MYO7B: variants seen among roughly 807,000 people sequenced by gnomAD.
MYO7B encodes the protein myosin VIIB.
A neutral mutation model predicts 259.7 loss-of-function variants in MYO7B; 212 were observed. The ratio of observed to expected loss-of-function variants is 0.82; its 90% CI spans 0.73 to 0.91. The LOEUF is 0.91. Ranked by LOEUF, MYO7B falls within the 40% of genes least tolerant of loss-of-function variation. The pLI, the probability that MYO7B is intolerant of heterozygous loss-of-function variation, is 0.00. For synonymous variants in MYO7B, 1,197 were observed against 1,166.4 expected (o/e 1.03, Z -0.54); for missense variants, 2,732 against 2,813.5 (o/e 0.97, Z 0.66).
intron 2 of MYO7B, among the ~76,000 whole-genome samples, chr2:127,560,611 G>A (rs1229889250): frequency 2.0e-5 from 3 of 152,184 alleles, no homozygotes; most frequent in Non-Finnish European, 2.9e-5. Context: ...GAAGCCTGGC[G>A]GCGGGGAGTG....
At chr2:127,594,447 G>A (rs1415021212) in intron 18 of MYO7B, among the ~76,000 whole-genome samples, 1 of 152,202 alleles carries the variant, frequency 6.6e-6, no homozygotes, top group Non-Finnish European at 1.5e-5. Flanking sequence ...GGGACGTCCT[G>A]GCCCCAGCCC....
chr2:127,631,402 C>T (rs1681500392), intron 37 of MYO7B, 39 bp downstream of exon 37: 1 of 1,583,918 alleles, frequency 6.3e-7, no homozygotes, highest in African/African-American at 1.3e-5. Flanking sequence ...CTCGTCAATG[C>T]CAGGGCAGAG....
At chr2:127,634,111 G>T in intron 40 of MYO7B, 65 bp from the exon 41 acceptor site, 1 of 1,303,320 alleles carries the variant, frequency 7.7e-7, no homozygotes, top group East Asian at 2.5e-5. Context: ...GGCTAGGAAG[G>T]CTCATCCTGG....
intron 6 of MYO7B, among the ~76,000 whole-genome samples, 160 bp downstream of exon 6, chr2:127,570,070 G>A (rs1006024207): frequency 6.6e-6 from 1 of 152,144 alleles, no homozygotes; most frequent in Non-Finnish European, 1.5e-5. Context: ...GTAGGGGAAG[G>A]GGGGCCAGGC....
At chr2:127,635,656 G>T in intron 43 of MYO7B, 66 bp from the exon 44 acceptor site, 1 of 1,493,240 alleles carries the variant, frequency 6.7e-7, no homozygotes, top group Non-Finnish European at 9.1e-7. Context: ...ATCTGAGCGG[G>T]AAAGAGGTTG....
intron 1 of MYO7B, among the ~76,000 whole-genome samples, chr2:127,558,094 C>T (rs951729984): frequency 1.3e-5 from 2 of 152,108 alleles, no homozygotes; most frequent in African/African-American, 4.8e-5. Flanking sequence ...ACAAACTATG[C>T]ATCTGACAAA....
In MYO7B at chr2:127,582,030, G is replaced by T. The variant is rs1357654481; in HGVS notation, c.1200+20G>T. Reference sequence around the variant, plus strand: ...GTCAAGGTACAGAGCTGAGAGAGCAGGGCTTACATGGCCATCTGTTGACCA... The same window carrying T: ...GTCAAGGTACAGAGCTGAGAGAGCATGGCTTACATGGCCATCTGTTGACCA... On this transcript the variant is annotated intron_variant, in intron 11 of 47. Coordinates refer to ENST00000409816, the MANE Select transcript of MYO7B (RefSeq NM_001393586.1). 1 of 1,613,130 alleles carries T rather than the reference G, an allele frequency of 6.2e-7. No individual in the cohort carries two copies. Among genetic ancestry groups the T allele is most frequent in the African/African-American group, 1.3e-5 (1 of 74,910 alleles).
In MYO7B at chr2:127,635,777, A is replaced by C; in HGVS notation, c.5876A>C (p.His1959Pro). 3.1e-6 allele frequency: 5 copies of C among 1,599,546 alleles called. No individual in the cohort carries two copies. Among genetic ancestry groups the C allele is most frequent in the Non-Finnish European group, 3.4e-6 (4 of 1,173,350 alleles). ...AAGTGTTCGCGGGAGGATGCCATCC[A>C]CCTGGCGGGCCTCATCTACAAGGCC... is the stretch of plus-strand genomic sequence containing the variant. ...FHKCSREDAI[H>P]LAGLIYKAQF... The change falls in exon 44 of 48, where the codon CAC (histidine) becomes CCC (proline). Residue 1959 changes from histidine to proline, a missense_variant. By Grantham distance (77) the His-to-Pro change is moderately conservative. Coordinates refer to ENST00000409816, the MANE Select transcript of MYO7B (RefSeq NM_001393586.1).
chr2:127,548,814 AT>A (rs536544485), intron 1 of MYO7B, among the ~76,000 whole-genome samples: 113 of 152,038 alleles, frequency 7.4e-4, no homozygotes, highest in African/African-American at 2.6e-3. Flanking sequence ...TTTTCATTTA[AT>A]TTTACATTTT....
Position 127,576,727 on chromosome 2 carries a change from G to A in MYO7B, c.849+19G>A, listed in dbSNP as rs569366549. On this transcript the variant is annotated intron_variant, in intron 8 of 47. Transcript: ENST00000409816. The surrounding 1 kb of genome is among the most constrained non-coding windows in gnomAD (Gnocchi z 4.9). ...GACCATGGTGAGCTGCCCACCTGCC[G>A]CCTCCCAGTAGCCAGTGGAAGGGAG... The A allele has an allele frequency of 1.4e-4, 211 of 1,512,596 alleles. 3 individuals are homozygous for A. The highest frequency in any genetic ancestry group is 1.0e-3 in the South Asian group (91 of 87,560). The allele number at this position is 1,512,596 out of a possible 1,614,324, so 93.7% of individuals were successfully genotyped here.
At chr2:127,595,692 G>C (rs1444733523) in intron 18 of MYO7B, among the ~76,000 whole-genome samples, 4 of 152,178 alleles carry the variant, frequency 2.6e-5, no homozygotes, top group African/African-American at 9.6e-5. Context: ...TGGTTTCAAA[G>C]AACTTCTTGA....
intron 35 of MYO7B, among the ~76,000 whole-genome samples, chr2:127,630,068 T>C (rs367935093): frequency 6.6e-6 from 1 of 151,478 alleles, no homozygotes; most frequent in Admixed American, 6.6e-5. Flanking sequence ...CATGGGGGTG[T>C]CCGGGGGACA....
Position 127,628,660 on chromosome 2 carries a change from C to T in MYO7B, c.4624+125C>T. 3 of 1,059,936 alleles carry T rather than the reference C, an allele frequency of 2.8e-6. No individual in the cohort carries two copies. The South Asian group carries it at 4.7e-5, about 17-fold the overall frequency. 65.7% of individuals were successfully genotyped at this position (1,059,936 alleles called of 1,614,324 possible). On this transcript the variant is annotated intron_variant, in intron 34 of 47. Coordinates refer to ENST00000409816, the MANE Select transcript of MYO7B (RefSeq NM_001393586.1). This position sits in a 1 kb window ranked among gnomAD's most constrained non-coding sequence, Gnocchi z 4.8. ...ACAAGGCAAGCAGAGGGAGGGAAGG[C>T]CCCAAAGCTCTGTGGGGGCAGCTTT...
At position 127,628,164 on chromosome 2, in the gene MYO7B, C is replaced by A. The variant is rs1243714818; in HGVS notation, c.4461-208C>A. 10 of 702,234 alleles carry A rather than the reference C, an allele frequency of 1.4e-5. No individual in the cohort carries two copies. The highest frequency in any genetic ancestry group is 1.2e-4 in the Admixed American group (6 of 49,336). The allele number at this position is 702,234 out of a possible 1,614,324, so 43.5% of individuals were successfully genotyped here. On this transcript the variant is annotated intron_variant, in intron 33 of 47. Transcript: ENST00000409816. This position sits in a 1 kb window ranked among gnomAD's most constrained non-coding sequence, Gnocchi z 4.8. ...AGCCAACCCCACACATGGGCTGCAC[C>A]ACTCTCAGCCTCCGAGAGGTCCTGT...
intron 29 of MYO7B, among the ~76,000 whole-genome samples, chr2:127,623,845 CG>C (rs1680968812): frequency 6.6e-6 from 1 of 152,208 alleles, no homozygotes; most frequent in Non-Finnish European, 1.5e-5. Context: ...TGAGTCACAT[CG>C]GCCAGACTCA....
At chr2:127,560,107 A>G (rs1414603458) in intron 2 of MYO7B, among the ~76,000 whole-genome samples, 2 of 147,886 alleles carry the variant, frequency 1.4e-5, no homozygotes, top group Admixed American at 1.4e-4. Flanking sequence ...GCTCACGGTG[A>G]CCTCTGCCTC....
At chr2:127,554,405 C>A (rs1693562266) in intron 1 of MYO7B, among the ~76,000 whole-genome samples, 1 of 152,202 alleles carries the variant, frequency 6.6e-6, no homozygotes, top group Non-Finnish European at 1.5e-5. Context: ...GTATGTTAAA[C>A]CATCCCTGCA....
At position 127,576,812 on chromosome 2, in the gene MYO7B, C is replaced by T. The variant is rs1283444931; in HGVS notation, c.849+104C>T. 19 of 796,652 alleles carry T rather than the reference C, an allele frequency of 2.4e-5. No individual in the cohort carries two copies. The Admixed American group carries it at 3.3e-4, about 14-fold the overall frequency. The allele number at this position is 796,652 out of a possible 1,614,324, so 49.3% of individuals were successfully genotyped here. ...AGCTGCAGAGAAGCCCAACGCTGGC[C>T]GGGCCCCTGAGGCGGGGCTGGTTCC... On this transcript the variant is annotated intron_variant, in intron 8 of 47. Transcript: ENST00000409816. The surrounding 1 kb of genome is among the most constrained non-coding windows in gnomAD (Gnocchi z 4.9).
At chr2:127,544,455 C>T (rs561777367) in intron 1 of MYO7B, among the ~76,000 whole-genome samples, 1 of 152,290 alleles carries the variant, frequency 6.6e-6, no homozygotes, top group South Asian at 2.1e-4. Flanking sequence ...GTCACCCAGG[C>T]TGGAGTGCAA....
Sources: allele counts gnomAD v4.1 joint callset (sites outside exome capture counted in the v4.1 genomes callset), GRCh38; gene constraint gnomAD v4.1.1; non-coding constraint Gnocchi (gnomAD v3.1); transcripts MANE v1.5; gene names NCBI Gene and HGNC (gene_info 2026-07-23, HGNC 2026-07-21).